Variants in ENOX2 observed in about 807,000 individuals in gnomAD.
ENOX2 encodes the protein ecto-NOX disulfide-thiol exchanger 2, also known as APK1 antigen.
In ENOX2, 36 loss-of-function variants were observed where a neutral mutation model predicts 45.0. That is an observed-to-expected ratio of 0.80 (90% CI 0.61 to 1.06). The LOEUF is 1.06. Ranked by LOEUF, ENOX2 falls within the 50% of genes least tolerant of loss-of-function variation. The pLI, the probability that ENOX2 is intolerant of heterozygous loss-of-function variation, is 0.00. For missense variants in ENOX2, 423 were observed against 462.5 expected (o/e 0.91, Z 0.78); for synonymous variants, 174 against 152.3 (o/e 1.14, Z -1.05).
intron 12 of ENOX2, among the ~76,000 whole-genome samples, chrX:130,634,632 G>T (rs1026858429): frequency 8.9e-6 from 1 of 111,903 alleles, no homozygotes; most frequent in Non-Finnish European, 1.9e-5. Context: ...TCAATTAAAG[G>T]TGCTTTGTGT....
At position 130,755,305 on chromosome X, in the gene ENOX2, G is replaced by A. The variant is rs774644616; in HGVS notation, c.-39+28242C>T. Among the ~76,000 whole-genome samples the A allele has an allele frequency of 3.6e-5, 4 of 112,028 alleles. No homozygotes were observed. The East Asian group carries it at 1.1e-3, about 31-fold the overall frequency. On this transcript the variant is annotated intron_variant, in intron 3 of 14. Transcript: ENST00000394363. Reference sequence around the variant, plus strand: ...ATCAGAAGTAAAGGGGATAATCCATGTATAGTTCTTAGAACAGTGCCTGGT... The same window carrying A: ...ATCAGAAGTAAAGGGGATAATCCATATATAGTTCTTAGAACAGTGCCTGGT...
chrX:130,830,375 C>T (rs1055088317), intron 2 of ENOX2, among the ~76,000 whole-genome samples: 10 of 111,345 alleles, frequency 9.0e-5, no homozygotes, highest in African/African-American at 3.3e-4. Context: ...ATCTTCAATC[C>T]TCCTATATTT....
intron 3 of ENOX2, among the ~76,000 whole-genome samples, chrX:130,782,963 C>A (rs929669968): frequency 7.2e-5 from 8 of 111,735 alleles, no homozygotes; most frequent in Admixed American, 2.8e-4. Flanking sequence ...TTAGAAGAAT[C>A]TGTTTGCCAA....
intron 3 of ENOX2, among the ~76,000 whole-genome samples, chrX:130,778,453 G>A (rs997214836): frequency 9.0e-6 from 1 of 111,713 alleles, no homozygotes; most frequent in African/African-American, 3.3e-5. Context: ...GGAAAGCTGA[G>A]AATGGAGTTG....
At chrX:130,807,361 G>A (rs1262331205) in intron 2 of ENOX2, among the ~76,000 whole-genome samples, 1 of 111,888 alleles carries the variant, frequency 8.9e-6, no homozygotes, top group Non-Finnish European at 1.9e-5. Context: ...ATTGGGAAAG[G>A]CATTTGAGTT....
chrX:130,748,535 AC>A (rs1325096237), intron 3 of ENOX2, among the ~76,000 whole-genome samples: 1 of 112,298 alleles, frequency 8.9e-6, no homozygotes, highest in Non-Finnish European at 1.9e-5. Context: ...ACAAAGTTGA[AC>A]AAGAGAATTA....
intron 11 of ENOX2, among the ~76,000 whole-genome samples, chrX:130,636,444 T>G (rs1280902549): frequency 1.8e-5 from 2 of 112,254 alleles, no homozygotes; most frequent in African/African-American, 6.5e-5. Flanking sequence ...CAATTTAAGA[T>G]GTAAGGACAA....
intron 2 of ENOX2, among the ~76,000 whole-genome samples, chrX:130,881,333 G>T (rs1053202001): frequency 8.9e-6 from 1 of 112,418 alleles, no homozygotes; most frequent in African/African-American, 3.2e-5. Flanking sequence ...TTTCAGGATA[G>T]TTTTTCCACA....
chrX:130,749,927 C>T (rs979986449), intron 3 of ENOX2, among the ~76,000 whole-genome samples: 4 of 110,389 alleles, frequency 3.6e-5, no homozygotes, highest in Middle Eastern at 4.6e-3. Flanking sequence ...TGTTTTGACA[C>T]TCTCTCTGTC....
At chrX:130,662,671 T>C (rs989312524) in intron 9 of ENOX2, among the ~76,000 whole-genome samples, 4 of 110,970 alleles carry the variant, frequency 3.6e-5, no homozygotes, top group Admixed American at 9.5e-5. Context: ...AAGTAAAAGT[T>C]TGCAGAGGTA....
At chrX:130,701,911 T>C (rs933015323) in intron 4 of ENOX2, among the ~76,000 whole-genome samples, 2 of 112,449 alleles carry the variant, frequency 1.8e-5, no homozygotes, top group African/African-American at 3.2e-5. Context: ...GTATGAATTA[T>C]AGTAGTTTGG....
At chrX:130,814,335 T>C (rs1267304204) in intron 2 of ENOX2, among the ~76,000 whole-genome samples, 1 of 112,231 alleles carries the variant, frequency 8.9e-6, no homozygotes, top group Non-Finnish European at 1.9e-5. Flanking sequence ...GACTTAAATG[T>C]TCCTGCCTGC....
At chrX:130,625,514 C>A in intron 14 of ENOX2, 69 bp from the exon 15 acceptor site, 1 of 1,093,147 alleles carries the variant, frequency 9.1e-7, no homozygotes, top group Admixed American at 2.4e-5. Flanking sequence ...CCCAGTGTTG[C>A]CTACTTTAGA....
chrX:130,788,099 T>C (rs1433310854), intron 2 of ENOX2, among the ~76,000 whole-genome samples: 2 of 112,343 alleles, frequency 1.8e-5, no homozygotes, highest in African/African-American at 3.2e-5. Context: ...GGGTGTTTTT[T>C]GTGTCATGTA....
At chrX:130,836,926 T>A (rs1299024518) in intron 2 of ENOX2, among the ~76,000 whole-genome samples, 2 of 111,991 alleles carry the variant, frequency 1.8e-5, no homozygotes, top group Admixed American at 9.5e-5. Context: ...AAACCTTTTA[T>A]CCTCTAGGTG....
intron 10 of ENOX2, among the ~76,000 whole-genome samples, chrX:130,655,608 C>T (rs1347508965): frequency 8.9e-6 from 1 of 112,053 alleles, no homozygotes; most frequent in African/African-American, 3.2e-5. Flanking sequence ...ACTCATTTAA[C>T]CATCACAAAA....
chrX:130,768,184 A>T (rs12007338), intron 3 of ENOX2, among the ~76,000 whole-genome samples: 328 of 111,911 alleles, frequency 2.9e-3, no homozygotes, highest in African/African-American at 9.9e-3. Context: ...GAATGCAATG[A>T]AAAAGAAGAC....
At chrX:130,744,829 C>A (rs2039062924) in intron 3 of ENOX2, among the ~76,000 whole-genome samples, 1 of 111,191 alleles carries the variant, frequency 9.0e-6, no homozygotes, top group Admixed American at 9.5e-5. Context: ...GGAACTGGGC[C>A]ACACAGCAGG....
At chrX:130,695,813 A>G (rs1221723835) in intron 4 of ENOX2, among the ~76,000 whole-genome samples, 1 of 111,423 alleles carries the variant, frequency 9.0e-6, no homozygotes, top group Non-Finnish European at 1.9e-5. Flanking sequence ...CTTTCTACAT[A>G]GTTTCTTTAA....
Sources: allele counts gnomAD v4.1 joint callset (sites outside exome capture counted in the v4.1 genomes callset), GRCh38; gene constraint gnomAD v4.1.1; transcripts MANE v1.5; gene names NCBI Gene and HGNC (gene_info 2026-07-23, HGNC 2026-07-21).